C8orf34: variants seen among roughly 807,000 people sequenced by gnomAD.
C8orf34 encodes uncharacterized protein C8orf34.
C8orf34 carries 65 observed loss-of-function variants against 68.3 expected under a neutral mutation model. The observed-to-expected ratio is 0.95, with a 90% CI of 0.78 to 1.17. C8orf34 has a LOEUF of 1.17. Among genes scored for constraint, C8orf34 ranks in the 50% most tolerant of loss-of-function variants. C8orf34 has a pLI of 0.00. For synonymous variants in C8orf34, 244 were observed against 241.2 expected (o/e 1.01, Z -0.11); for missense variants, 664 against 655.4 (o/e 1.01, Z -0.14).
intron 1 of C8orf34, among the ~76,000 whole-genome samples, chr8:68,394,863 A>G (rs1808626264): frequency 6.6e-6 from 1 of 152,100 alleles, no homozygotes; most frequent in Non-Finnish European, 1.5e-5. Flanking sequence ...ACTAAGGAAT[A>G]AAACCACTTC....
At chr8:68,709,590 A>G (rs1174023433) in intron 9 of C8orf34, among the ~76,000 whole-genome samples, 1 of 152,136 alleles carries the variant, frequency 6.6e-6, no homozygotes, top group Non-Finnish European at 1.5e-5. Context: ...ATGTCACTTC[A>G]GAATTTCCTC....
Position 68,721,391 on chromosome 8 carries a change from T to A in C8orf34, c.1358T>A (p.Met453Lys). 1 of 1,609,462 alleles carries A rather than the reference T, an allele frequency of 6.2e-7. No individual in the cohort carries two copies. Residue 453 changes from methionine (M) to lysine (K), a missense_variant, in exon 10 of 14, where the codon ATG becomes AAG. Physicochemically the swap from Met to Lys is moderately conservative, Grantham distance 95. Coordinates refer to ENST00000518698, the MANE Select transcript of C8orf34 (RefSeq NM_052958.4). ...TTGCCTGGGACTGAAGAAGCACTAA[T>A]GGAGGAGGGTGACGAATTTGAGAAA... ...DSLPGTEEAL[M>K]EEGDEFEKAS...
At chr8:68,544,166 G>A (rs575049537) in intron 7 of C8orf34, among the ~76,000 whole-genome samples, 43 of 152,260 alleles carry the variant, frequency 2.8e-4, no homozygotes, top group African/African-American at 9.6e-4. Context: ...TGGGTTCGTA[G>A]CTCAATACTG....
intron 7 of C8orf34, among the ~76,000 whole-genome samples, chr8:68,546,739 T>C (rs1278049932): frequency 2.6e-5 from 4 of 151,824 alleles, no homozygotes; most frequent in Non-Finnish European, 5.9e-5. Flanking sequence ...AGGGTCAACT[T>C]TCTGTACTTT....
intron 5 of C8orf34, among the ~76,000 whole-genome samples, chr8:68,488,555 T>A (rs1813174394): frequency 6.6e-6 from 1 of 152,132 alleles, no homozygotes; most frequent in African/African-American, 2.4e-5. Context: ...ATTTCTATAG[T>A]TGTGTCACTG....
chr8:68,443,735 T>A (rs1049733107), intron 2 of C8orf34, among the ~76,000 whole-genome samples: 3 of 152,070 alleles, frequency 2.0e-5, no homozygotes, highest in African/African-American at 7.2e-5. Flanking sequence ...CCAGAAAACG[T>A]CTCAATATTC....
intron 8 of C8orf34, among the ~76,000 whole-genome samples, chr8:68,648,964 C>T (rs1819261220): frequency 6.6e-6 from 1 of 152,120 alleles, no homozygotes; most frequent in African/African-American, 2.4e-5. Context: ...TATTAGTTGA[C>T]TTGAGAAAAC....
intron 1 of C8orf34, chr8:68,438,109 T>C (rs945177480): frequency 6.6e-6 from 1 of 152,142 alleles, no homozygotes; most frequent in African/African-American, 2.4e-5. Flanking sequence ...CAAACATTGA[T>C]TGGTTGATCG....
intron 8 of C8orf34, among the ~76,000 whole-genome samples, chr8:68,679,748 C>A (rs1025696251): frequency 1.3e-5 from 2 of 152,116 alleles, no homozygotes; most frequent in African/African-American, 4.8e-5. Flanking sequence ...ACCAATGGAG[C>A]AGAATAGAGA....
chr8:68,477,603 G>A (rs1452078780), intron 4 of C8orf34, among the ~76,000 whole-genome samples: 1 of 152,220 alleles, frequency 6.6e-6, no homozygotes, highest in Non-Finnish European at 1.5e-5. Flanking sequence ...CTCAATGCCA[G>A]CCATGAAGGA....
intron 10 of C8orf34, among the ~76,000 whole-genome samples, chr8:68,735,651 A>G (rs909478430): frequency 2.0e-5 from 3 of 152,178 alleles, no homozygotes; most frequent in African/African-American, 7.2e-5. Flanking sequence ...TATACTTTAA[A>G]TGATTTGCAA....
In C8orf34 at chr8:68,721,433, G is replaced by A. The variant is rs375647318; in HGVS notation, c.1400G>A (p.Gly467Glu). 1.4e-4 allele frequency: 230 copies of A among 1,599,636 alleles called. No individual in the cohort carries two copies. The highest frequency in any genetic ancestry group is 1.9e-4 in the Non-Finnish European group (226 of 1,168,846). Residue 467 changes from glycine to glutamate, a missense_variant, in exon 10 of 14, where the codon GGA becomes GAA. Gly to Glu is a moderately conservative substitution (Grantham distance 98, BLOSUM62 -2). Coordinates refer to ENST00000518698, the MANE Select transcript of C8orf34 (RefSeq NM_052958.4). ...DEFEKASKLT[G>E]PGEASSGVGH... Reference sequence around the variant, plus strand: ...TTTGAGAAAGCATCTAAACTAACAGGACCTGTAAGTATATTCATTGACTTA... The same window carrying A: ...TTTGAGAAAGCATCTAAACTAACAGAACCTGTAAGTATATTCATTGACTTA...
chr8:68,720,727 C>T (rs1247286066), intron 9 of C8orf34, among the ~76,000 whole-genome samples: 1 of 151,610 alleles, frequency 6.6e-6, no homozygotes, highest in Non-Finnish European at 1.5e-5. Flanking sequence ...CATAGAAATC[C>T]TTGTTGTTCT....
At chr8:68,803,224 T>C (rs987576081) in intron 12 of C8orf34, among the ~76,000 whole-genome samples, 3 of 152,044 alleles carry the variant, frequency 2.0e-5, no homozygotes, top group African/African-American at 7.2e-5. Flanking sequence ...AATAAGCCAA[T>C]TGACTTATGA....
chr8:68,788,563 T>C (rs1026416959), intron 12 of C8orf34, among the ~76,000 whole-genome samples: 1 of 152,078 alleles, frequency 6.6e-6, no homozygotes, highest in Non-Finnish European at 1.5e-5. Flanking sequence ...CCATCTTCTA[T>C]AGAAAACAAC....
chr8:68,802,634 G>A (rs529597009), intron 12 of C8orf34, among the ~76,000 whole-genome samples: 2 of 152,114 alleles, frequency 1.3e-5, no homozygotes, highest in East Asian at 3.9e-4. Flanking sequence ...GAGTAGCTGG[G>A]ACTACAGGGG....
intron 7 of C8orf34, among the ~76,000 whole-genome samples, chr8:68,612,810 C>A (rs1164629919): frequency 1.3e-5 from 2 of 152,092 alleles, no homozygotes; most frequent in Non-Finnish European, 1.5e-5. Context: ...TGTGTCTGAA[C>A]TGTTTGCTGA....
Position 68,477,114 on chromosome 8 carries a change from C to G in C8orf34, c.736+8294C>G, listed in dbSNP as rs530849327. On this transcript the variant is annotated intron_variant, in intron 4 of 13. Coordinates refer to ENST00000518698, the MANE Select transcript of C8orf34 (RefSeq NM_052958.4). Reference sequence around the variant, plus strand: ...TTGTTTCCTTAACCTTAAGGTCCATCCTAGTTGATAAAGGGGTGTCTATTT... The same window carrying G: ...TTGTTTCCTTAACCTTAAGGTCCATGCTAGTTGATAAAGGGGTGTCTATTT... Among the ~76,000 whole-genome samples the G allele has an allele frequency of 2.0e-5, 3 of 152,204 alleles. No individual in the cohort carries two copies. In the East Asian group the frequency reaches 5.8e-4, roughly 30 times the overall value.
At chr8:68,545,990 G>A (rs1815865165) in intron 7 of C8orf34, among the ~76,000 whole-genome samples, 1 of 151,906 alleles carries the variant, frequency 6.6e-6, no homozygotes, top group Non-Finnish European at 1.5e-5. Context: ...TATTATAAGA[G>A]GTGATATAAT....
Sources: allele counts gnomAD v4.1 joint callset (sites outside exome capture counted in the v4.1 genomes callset), GRCh38; gene constraint gnomAD v4.1.1; transcripts MANE v1.5; gene names NCBI Gene and HGNC (gene_info 2026-07-23, HGNC 2026-07-21).